The following RTEL1 variants were observed in gnomAD, a reference collection of about 807,000 sequenced individuals.
RTEL1 encodes regulator of telomere elongation helicase 1, also known as regulator of telomere length.
A neutral mutation model predicts 162.2 loss-of-function variants in RTEL1; 86 were observed. The ratio of observed to expected loss-of-function variants is 0.53; its 90% CI spans 0.45 to 0.63. RTEL1 has a LOEUF of 0.63. Ranked by LOEUF, RTEL1 falls within the 30% of genes least tolerant of loss-of-function variation. RTEL1 has a pLI of 0.00. For missense variants in RTEL1, 1,941 were observed against 1,750.2 expected (o/e 1.11, Z -1.95); for synonymous variants, 958 against 717.9 (o/e 1.33, Z -5.35).
At chr20:63,662,431 T>C (rs2090038739) in intron 4 of RTEL1, 115 bp from the exon 5 acceptor site, 4 of 1,560,112 alleles carry the variant, frequency 2.6e-6, no homozygotes, top group Non-Finnish European at 3.5e-6. Flanking sequence ...TCAGTTATGC[T>C]CACTTCCTCT....
At chr20:63,690,493 C>CTGGGGGGGGGGGGG in intron 26 of RTEL1, 52 bp downstream of exon 26, 1 of 531,876 alleles carries the variant, frequency 1.9e-6, no homozygotes. Context: ...GAGCGGGCGG[C>CTGGGGGGGGGGGGG]GTGGGGCGGG....
At chr20:63,681,875 A>G in intron 14 of RTEL1, 1 of 985,410 alleles carries the variant, frequency 1.0e-6, no homozygotes, top group South Asian at 4.7e-5. Context: ...TGGGCATCCC[A>G]GGCCCAGACC....
In RTEL1 at chr20:63,661,710, C is replaced by G. The variant is rs1450270175; in HGVS notation, c.302-140C>G. ...TAGGGCACGGCAGATGCCCACTTCA[C>G]CCATTTTTGATAAACCAGTATCTGG... On this transcript the variant is annotated intron_variant, in intron 3 of 34. Coordinates refer to ENST00000360203, the MANE Select transcript of RTEL1 (RefSeq NM_001283009.2). The surrounding 1 kb of genome is among the most constrained non-coding windows in gnomAD (Gnocchi z 5.1). The G allele has an allele frequency of 3.3e-6, 3 of 900,684 alleles. No homozygotes were observed. In the African/African-American group the frequency reaches 5.0e-5, roughly 15 times the overall value. The allele number at this position is 900,684 out of a possible 1,614,324, so 55.8% of individuals were successfully genotyped here.
chr20:63,685,808 T>C lies in RTEL1; in HGVS notation c.1284T>C (p.Asp428=). Residue 428 remains aspartate (D), a synonymous_variant, in exon 16 of 35, where the codon GAT becomes GAC. Coordinates refer to ENST00000360203, the MANE Select transcript of RTEL1 (RefSeq NM_001283009.2). Reference sequence around the variant, plus strand: ...CCCTCCAGGTGCACATCCATCCTGATGCTGGTCACCGGAGGACGGCTCAGC... The same window carrying C: ...CCCTCCAGGTGCACATCCATCCTGACGCTGGTCACCGGAGGACGGCTCAGC... ...LQSYKVHIHP[D]AGHRRTAQRS... The C allele has an allele frequency of 6.2e-7, 1 of 1,612,540 alleles. No homozygotes were observed. Among genetic ancestry groups the C allele is most frequent in the Non-Finnish European group, 8.5e-7 (1 of 1,179,868 alleles).
rs188479221 is a variant in RTEL1, at chr20:63,685,591, C to T, written c.1260C>T (p.Ser420=). ...GSPAGLGALQ[S]YKVHIHPDAG... ...CAGCAGGGCTGGGGGCCTTACAGTC[C>T]TATAAGGTAGGGGCCACCTCCAGGA... is the stretch of plus-strand genomic sequence containing the variant. The change falls in exon 15 of 35, where the codon TCC becomes TCT. Residue 420 remains serine, a synonymous_variant. Transcript: ENST00000360203. 471 of 1,611,310 alleles carry T rather than the reference C, an allele frequency of 2.9e-4. 2 individuals carry two copies. In the East Asian group the frequency reaches 9.2e-3, roughly 31 times the overall value.
Position 63,695,224 on chromosome 20 carries a change from A to G in RTEL1, c.3499+3A>G. 1 of 1,611,034 alleles carries G rather than the reference A, an allele frequency of 6.2e-7. No individual in the cohort carries two copies. Among genetic ancestry groups the G allele is most frequent in the Non-Finnish European group, 8.5e-7 (1 of 1,179,056 alleles). On this transcript the variant is annotated splice_donor_region_variant and intron_variant, in intron 33 of 34. Transcript: ENST00000360203. Reference sequence around the variant, plus strand: ...TACCCACAGGGCTCCCCAACCAGGTAGGGCACCTGCCTGGCTGCTCCTGGC... The same window carrying G: ...TACCCACAGGGCTCCCCAACCAGGTGGGGCACCTGCCTGGCTGCTCCTGGC...
At chr20:63,686,279 C>T (rs1302982924) in intron 16 of RTEL1, 5 of 256,674 alleles carry the variant, frequency 1.9e-5, no homozygotes, top group East Asian at 1.1e-4. Context: ...CCGGCTGGCC[C>T]TGTTGTCCGA....
At chr20:63,667,921 G>A (rs1472828239) in intron 8 of RTEL1, among the ~76,000 whole-genome samples, 7 of 150,642 alleles carry the variant, frequency 4.6e-5, no homozygotes, top group Non-Finnish European at 4.4e-5. Flanking sequence ...TTCCCAGCGC[G>A]TGCCCGGCCC....
At chr20:63,665,892 GA>G in intron 6 of RTEL1, 111 bp from the exon 7 acceptor site, 1 of 925,404 alleles carries the variant, frequency 1.1e-6, no homozygotes, top group Non-Finnish European at 1.6e-6. Flanking sequence ...GTTGGTGGGG[GA>G]CGCCCAGCCC....
At chr20:63,663,284 C>G (rs2090057152) in intron 6 of RTEL1, among the ~76,000 whole-genome samples, 1 of 152,216 alleles carries the variant, frequency 6.6e-6, no homozygotes, top group Non-Finnish European at 1.5e-5. Context: ...GCCCTCATAC[C>G]ATCTTGGGAG....
In RTEL1 at chr20:63,692,906, C is replaced by A. The variant is rs201754938; in HGVS notation, c.2754C>A (p.Ala918=). 6.2e-7 allele frequency: 1 copy of A among 1,612,562 alleles called. No individual in the cohort carries two copies. The highest frequency in any genetic ancestry group is 1.3e-5 in the African/African-American group (1 of 74,938). Residue 918 remains alanine, a synonymous_variant, in exon 29 of 35, where the codon GCC becomes GCA. Coordinates refer to ENST00000360203, the MANE Select transcript of RTEL1 (RefSeq NM_001283009.2). ...CCAACTTTGCCACCTTCACCCAGGC[C>A]CTGCAGGACTACAAGGGTTCCGATG... ...SQANFATFTQ[A]LQDYKGSDDF... is the part of the protein sequence containing the mutation.
rs979746668 is a variant in RTEL1, at chr20:63,661,908, A to G, written c.360A>G (p.Thr120=). 2.5e-6 allele frequency: 4 copies of G among 1,613,874 alleles called. No homozygotes were observed. In the African/African-American group the frequency reaches 4.0e-5, roughly 16 times the overall value. ...IYASRTHSQL[T]QVINELRNTS... ...CCTCCAGGACCCACTCGCAACTCAC[A>G]CAGGTCATCAACGAGCTTCGGAACA... Residue 120 remains threonine, a synonymous_variant, in exon 4 of 35, where the codon ACA becomes ACG. Coordinates refer to ENST00000360203, the MANE Select transcript of RTEL1 (RefSeq NM_001283009.2). This position sits in a 1 kb window ranked among gnomAD's most constrained non-coding sequence, Gnocchi z 5.1.
intron 6 of RTEL1, among the ~76,000 whole-genome samples, chr20:63,664,861 G>C (rs6062482): frequency 0.45 from 68,358 of 152,146 alleles, 15,943 homozygotes; most frequent in Middle Eastern, 0.51. Context: ...GGGACAGCAA[G>C]CTTGGGGTCA....
intron 26 of RTEL1, among the ~76,000 whole-genome samples, 154 bp downstream of exon 26, chr20:63,690,595 G>GT: frequency 6.6e-6 from 1 of 152,194 alleles, no homozygotes; most frequent in South Asian, 2.1e-4. Context: ...CTAGGGCAGG[G>GT]CCCCCACGGG....
rs1041062023 is a variant in RTEL1 at position 63,690,498 on chromosome 20, G to C, written c.2413+57G>C. On this transcript the variant is annotated intron_variant, in intron 26 of 34. Coordinates refer to ENST00000360203, the MANE Select transcript of RTEL1 (RefSeq NM_001283009.2). The stretch of plus-strand genomic sequence containing the variant: ...GGGGGTGGCGGAGCGGGCGGCGTGG[G>C]GCGGGCAGCACCAGGCGCCCAGGGC... 5.1e-6 allele frequency: 7 copies of C among 1,366,684 alleles called. No homozygotes were observed. In the African/African-American group the frequency reaches 1.0e-4, roughly 20 times the overall value. 84.7% of individuals were successfully genotyped at this position (1,366,684 alleles called of 1,614,324 possible).
intron 15 of RTEL1, 74 bp downstream of exon 15, chr20:63,685,671 A>C: frequency 6.3e-7 from 1 of 1,588,342 alleles, no homozygotes; most frequent in Non-Finnish European, 8.6e-7. Context: ...TTACAGTCCT[A>C]TAAGGTGGGG....
rs779121892 is a variant in RTEL1 at position 63,694,744 on chromosome 20, A to G, written c.3113A>G (p.Asp1038Gly). 6.2e-7 allele frequency: 1 copy of G among 1,600,492 alleles called. No homozygotes were observed. The highest frequency in any genetic ancestry group is 1.1e-5 in the South Asian group (1 of 90,738). The change falls in exon 32 of 35, where the codon GAC becomes GGC. Residue 1038 changes from aspartate (D) to glycine (G), a missense_variant. Transcript: ENST00000360203. ...AGCCATGCTACTCCCACACCAGGAGACCCTGGCAGCCAACCACAGTGGGGG... is the reference window on the plus strand; with the variant it reads ...AGCCATGCTACTCCCACACCAGGAGGCCCTGGCAGCCAACCACAGTGGGGG... ...HLSPRPPPTG[D>G]PGSQPQWGSG...
Position 63,695,900 on chromosome 20 carries a change from A to G in RTEL1, c.*42A>G. 2 of 1,535,120 alleles carry G rather than the reference A, an allele frequency of 1.3e-6. No individual in the cohort carries two copies. Among genetic ancestry groups the G allele is most frequent in the Non-Finnish European group, 1.8e-6 (2 of 1,136,446 alleles). On this transcript the variant is annotated 3_prime_UTR_variant, in exon 35 of 35. Coordinates refer to ENST00000360203, the MANE Select transcript of RTEL1 (RefSeq NM_001283009.2). Reference sequence around the variant, plus strand: ...CCAGCACACCCAACGTGGCTTGATCACCTGCCTGTCCAGCTCTGGTGGGCC... The same window carrying G: ...CCAGCACACCCAACGTGGCTTGATCGCCTGCCTGTCCAGCTCTGGTGGGCC...
At chr20:63,680,842 TTC>T in intron 14 of RTEL1, 123 bp downstream of exon 14, 1 of 1,526,656 alleles carries the variant, frequency 6.6e-7, no homozygotes, top group Non-Finnish European at 8.9e-7. Flanking sequence ...CACCACCTGT[TTC>T]TGATTGGCAA....
Sources: gnomAD v4.1 joint callset for allele counts (sites outside exome capture counted in the v4.1 genomes callset) on GRCh38, gnomAD v4.1.1 for gene constraint, Gnocchi (gnomAD v3.1) non-coding constraint, MANE v1.5 for transcripts, NCBI Gene and HGNC (gene_info 2026-07-23, HGNC 2026-07-21) for gene names.